GALNT13: variants seen among roughly 807,000 people sequenced by gnomAD.
GALNT13 encodes the protein UDP-GalNAc:polypeptide N-acetylgalactosaminyltransferase 13.
Under a neutral mutation model 64.2 loss-of-function variants are expected in GALNT13, and 28 were observed. The ratio of observed to expected loss-of-function variants is 0.44; its 90% CI spans 0.32 to 0.60. GALNT13 has a LOEUF of 0.60. Ranked by LOEUF, GALNT13 falls within the 20% of genes least tolerant of loss-of-function variation. GALNT13 has a pLI of 0.05. For synonymous variants in GALNT13, 214 were observed against 224.6 expected (o/e 0.95, Z 0.42); for missense variants, 577 against 669.8 (o/e 0.86, Z 1.53).
At chr2:153,796,152 G>A in the GALNT13 span, among the ~76,000 whole-genome samples, 2 of 152,158 alleles carry the variant, frequency 1.3e-5, no homozygotes, top group Non-Finnish European at 2.9e-5. Flanking sequence ...TATAGATGAA[G>A]TATTTAATAC....
intron 4 of GALNT13, among the ~76,000 whole-genome samples, chr2:154,151,889 G>T (rs964901273): frequency 6.6e-6 from 1 of 152,088 alleles, no homozygotes; most frequent in South Asian, 2.1e-4. Flanking sequence ...TATCCAATTT[G>T]CCAGTCTGTG....
At chr2:153,326,794 A>G in the GALNT13 span, among the ~76,000 whole-genome samples, 53 of 152,314 alleles carry the variant, frequency 3.5e-4, no homozygotes, top group Non-Finnish European at 6.6e-4. Context: ...CTTTTCTTTA[A>G]GAATGTTGAG....
intron 12 of GALNT13, among the ~76,000 whole-genome samples, chr2:154,439,921 A>G (rs1574312170): frequency 6.6e-6 from 1 of 152,248 alleles, no homozygotes; most frequent in Non-Finnish European, 1.5e-5. Context: ...CCTTCGCTAT[A>G]TCTTACTCAC....
At chr2:153,907,077 A>G (rs533511462) in intron 2 of GALNT13, among the ~76,000 whole-genome samples, 2 of 152,040 alleles carry the variant, frequency 1.3e-5, no homozygotes, top group Non-Finnish European at 2.9e-5. Flanking sequence ...TCCTTTGCCC[A>G]GTTTTTGATG....
chr2:154,361,752 A>G (rs1697081143), intron 9 of GALNT13, among the ~76,000 whole-genome samples: 1 of 152,090 alleles, frequency 6.6e-6, no homozygotes. Flanking sequence ...TTTGAATGTC[A>G]AAAACTAGGC....
At chr2:153,317,874 G>T in the GALNT13 span, among the ~76,000 whole-genome samples, 3 of 151,948 alleles carry the variant, frequency 2.0e-5, no homozygotes, top group East Asian at 3.9e-4. Flanking sequence ...GGGAAAGAGA[G>T]AATTTTTTTT....
chr2:153,993,032 T>C (rs1695264153), intron 3 of GALNT13, among the ~76,000 whole-genome samples: 1 of 152,140 alleles, frequency 6.6e-6, no homozygotes, highest in Non-Finnish European at 1.5e-5. Context: ...GAAGCATTTA[T>C]TTGATTAGGA....
At chr2:153,714,698 C>G in the GALNT13 span, among the ~76,000 whole-genome samples, 1 of 152,254 alleles carries the variant, frequency 6.6e-6, no homozygotes, top group South Asian at 2.1e-4. Context: ...CTCCCACCAG[C>G]CAAATGAAGC....
chr2:153,139,346 C>G, the GALNT13 span, among the ~76,000 whole-genome samples: 3 of 151,950 alleles, frequency 2.0e-5, no homozygotes, highest in Non-Finnish European at 2.9e-5. Flanking sequence ...AGACATAGTG[C>G]TCAAATGTCC....
At chr2:153,408,044 C>T in the GALNT13 span, among the ~76,000 whole-genome samples, 5 of 152,130 alleles carry the variant, frequency 3.3e-5, no homozygotes, top group Non-Finnish European at 5.9e-5. Flanking sequence ...TACATCTGAG[C>T]GGGAGTGGAT....
chr2:153,586,407 G>T, the GALNT13 span, among the ~76,000 whole-genome samples: 1 of 152,110 alleles, frequency 6.6e-6, no homozygotes, highest in Non-Finnish European at 1.5e-5. Flanking sequence ...ACTTATATCA[G>T]ATAAAATCGA....
At position 154,014,635 on chromosome 2, in the gene GALNT13, C is replaced by CT. The variant is rs60950180; in HGVS notation, c.142+70011dup. ...ACTTTTTGTCTTTCTGATAATTCTCCTTTTTTTTTTTTTTTGAGACGGAGT... is the reference window on the plus strand; with the variant it reads ...ACTTTTTGTCTTTCTGATAATTCTCCTTTTTTTTTTTTTTTTGAGACGGAGT... On this transcript the variant is annotated intron_variant, in intron 3 of 12. Transcript: ENST00000392825. Among the ~76,000 whole-genome samples, 206 of 77,212 alleles carry CT rather than the reference C, an allele frequency of 2.7e-3. 30 individuals carry two copies. Among genetic ancestry groups the CT allele is most frequent in the Non-Finnish European group, 3.6e-3 (133 of 37,102 alleles). The allele number at this position is 77,212 out of a possible 152,430, so 50.7% of individuals were successfully genotyped here.
the GALNT13 span, among the ~76,000 whole-genome samples, chr2:153,533,723 C>CTTTTTTTGTTTTTTTTTTTTTTTTTT: frequency 2.1e-5 from 1 of 48,730 alleles, no homozygotes. Context: ...TGAGGTTTTT[C>CTTTTTTTGTTTTTTTTTTTTTTTTTT]TTTTTTTTTT....
rs976911764 is a variant in GALNT13 at position 154,102,318 on chromosome 2, A to C, written c.143-38019A>C. On this transcript the variant is annotated intron_variant, in intron 3 of 12. Transcript: ENST00000392825. ...TCAACCAACTCAATCCATTATAGCA[A>C]CTCAGAAGAGAACAACCCTGCTCCA... Among the ~76,000 whole-genome samples, 3 of 152,130 alleles carry C rather than the reference A, an allele frequency of 2.0e-5. No individual in the cohort carries two copies. The South Asian group carries it at 6.2e-4, about 32-fold the overall frequency.
chr2:154,316,674 A>G (rs1185354755), intron 9 of GALNT13, among the ~76,000 whole-genome samples: 1 of 152,160 alleles, frequency 6.6e-6, no homozygotes, highest in African/African-American at 2.4e-5. Context: ...ATAGCATGGC[A>G]GAGGGCAAGG....
At chr2:154,138,771 A>G (rs1173440702) in intron 3 of GALNT13, among the ~76,000 whole-genome samples, 2 of 152,010 alleles carry the variant, frequency 1.3e-5, no homozygotes, top group Non-Finnish European at 2.9e-5. Flanking sequence ...CACCGACATC[A>G]CAAATTCATC....
At chr2:153,663,745 C>T in the GALNT13 span, among the ~76,000 whole-genome samples, 1 of 152,200 alleles carries the variant, frequency 6.6e-6, no homozygotes, top group Non-Finnish European at 1.5e-5. Context: ...ATTAGCTCAG[C>T]TTCACTCTGG....
the GALNT13 span, among the ~76,000 whole-genome samples, chr2:153,722,412 G>A: frequency 7.1e-6 from 1 of 140,296 alleles, no homozygotes; most frequent in Non-Finnish European, 1.5e-5. Flanking sequence ...AAAAGCAAGA[G>A]CAAACACATT....
the GALNT13 span, among the ~76,000 whole-genome samples, chr2:153,385,683 G>A: frequency 1.4e-4 from 22 of 151,920 alleles, no homozygotes; most frequent in Admixed American, 1.3e-3. Flanking sequence ...TAATTTAATT[G>A]TACATTTAAA....
Sources: allele counts gnomAD v4.1 joint callset (sites outside exome capture counted in the v4.1 genomes callset), GRCh38; gene constraint gnomAD v4.1.1; transcripts MANE v1.5; gene names NCBI Gene and HGNC (gene_info 2026-07-23, HGNC 2026-07-21).